Variants in NCKAP5 observed in about 807,000 individuals in gnomAD.
The protein encoded by NCKAP5 is nck-associated protein 5.
Under a neutral mutation model 167.0 loss-of-function variants are expected in NCKAP5, and 92 were observed. That is an observed-to-expected ratio of 0.55 (90% CI 0.47 to 0.66). The LOEUF is 0.66. Among genes scored for constraint, NCKAP5 ranks in the 30% least tolerant of loss-of-function variants. NCKAP5 has a pLI of 0.00. For missense variants in NCKAP5, 2,378 were observed against 2,315.0 expected (o/e 1.03, Z -0.56); for synonymous variants, 891 against 877.4 (o/e 1.02, Z -0.27).
At chr2:133,150,165 C>A (rs1218030564) in intron 5 of NCKAP5, among the ~76,000 whole-genome samples, 1 of 152,178 alleles carries the variant, frequency 6.6e-6, no homozygotes, top group South Asian at 2.1e-4. Flanking sequence ...ATGGACAATT[C>A]CAGAAATAAA....
intron 19 of NCKAP5, among the ~76,000 whole-genome samples, chr2:132,673,629 T>C (rs1684028966): frequency 1.3e-5 from 2 of 152,184 alleles, no homozygotes; most frequent in South Asian, 4.1e-4. Context: ...CTCCTCTCTT[T>C]CCTTGCTAAG....
intron 4 of NCKAP5, among the ~76,000 whole-genome samples, chr2:133,286,752 CA>C (rs1679170780): frequency 6.6e-6 from 1 of 151,912 alleles, no homozygotes; most frequent in Non-Finnish European, 1.5e-5. Context: ...GACTGAAAAA[CA>C]AGTTGTATGA....
At chr2:133,496,634 G>T (rs1255489051) in intron 3 of NCKAP5, among the ~76,000 whole-genome samples, 1 of 152,142 alleles carries the variant, frequency 6.6e-6, no homozygotes, top group South Asian at 2.1e-4. Flanking sequence ...TTAGAAATGC[G>T]AATTCATGGC....
At chr2:133,416,273 C>T (rs1384703360) in intron 3 of NCKAP5, among the ~76,000 whole-genome samples, 1 of 152,144 alleles carries the variant, frequency 6.6e-6, no homozygotes, top group Non-Finnish European at 1.5e-5. Context: ...TCATCCTTTC[C>T]TAGCAAAAAC....
chr2:132,774,011 T>G, intron 15 of NCKAP5, 117 bp from the exon 16 acceptor site: 1 of 778,830 alleles, frequency 1.3e-6, no homozygotes, highest in South Asian at 1.7e-5. Flanking sequence ...TGTGAGTGTT[T>G]GCATGTATAT....
chr2:133,666,748 C>G, the NCKAP5 span, among the ~76,000 whole-genome samples: 1 of 151,882 alleles, frequency 6.6e-6, no homozygotes, highest in East Asian at 1.9e-4. Context: ...ACTCTAACAT[C>G]AATTGGTAAA....
At chr2:133,116,794 A>T (rs2082098919) in intron 6 of NCKAP5, among the ~76,000 whole-genome samples, 1 of 152,190 alleles carries the variant, frequency 6.6e-6, no homozygotes, top group Non-Finnish European at 1.5e-5. Flanking sequence ...TGGCCTTTGC[A>T]AATTGCTTAA....
chr2:133,296,947 C>T (rs566204993), intron 4 of NCKAP5, among the ~76,000 whole-genome samples: 5 of 152,010 alleles, frequency 3.3e-5, no homozygotes, highest in East Asian at 1.9e-4. Context: ...AATATGAGGC[C>T]GCAAATGGAT....
rs77603865 is a variant in NCKAP5 at position 132,953,011 on chromosome 2, T to C, written c.579+10709A>G. Among the ~76,000 whole-genome samples, 1,118 of 152,350 alleles carry C rather than the reference T, an allele frequency of 7.3e-3. 11 individuals carry two copies. Among genetic ancestry groups the C allele is most frequent in the African/African-American group, 0.025 (1,042 of 41,580 alleles). ...TTAGAGGCTTGCTGAGGCAACTGCA[T>C]GAGTTTTAAACATAGATGTTGTTAG... On this transcript the variant is annotated intron_variant, in intron 8 of 19. Coordinates refer to ENST00000409261, the MANE Select transcript of NCKAP5 (RefSeq NM_207363.3).
the NCKAP5 span, among the ~76,000 whole-genome samples, chr2:133,592,545 T>C: frequency 0.026 from 4,032 of 152,304 alleles, 63 homozygotes; most frequent in African/African-American, 0.038. Flanking sequence ...CTTACATCAC[T>C]GGGAACCAGT....
At chr2:132,829,328 G>A (rs921925331) in intron 11 of NCKAP5, among the ~76,000 whole-genome samples, 1 of 152,126 alleles carries the variant, frequency 6.6e-6, no homozygotes. Context: ...CTTATGGAAT[G>A]CTGGGGGAAA....
chr2:132,734,284 C>T (rs994477888), intron 16 of NCKAP5, among the ~76,000 whole-genome samples: 1 of 152,210 alleles, frequency 6.6e-6, no homozygotes, highest in East Asian at 1.9e-4. Context: ...ATTCAGACTT[C>T]TGTGTCTTTT....
chr2:133,569,174 C>CACTTA (rs10654036), upstream of NCKAP5, among the ~76,000 whole-genome samples: 3 of 151,420 alleles, frequency 2.0e-5, no homozygotes, highest in Non-Finnish European at 4.4e-5. Context: ...AAATCCCACT[C>CACTTA]ACAACTATCA....
chr2:133,563,003 T>A (rs1688275877), intron 1 of NCKAP5, among the ~76,000 whole-genome samples: 1 of 152,318 alleles, frequency 6.6e-6, no homozygotes, highest in East Asian at 1.9e-4. Context: ...AAGAAGGCTA[T>A]AAGGTACTTT....
At chr2:133,030,697 G>A (rs1184529150) in intron 6 of NCKAP5, among the ~76,000 whole-genome samples, 1 of 152,182 alleles carries the variant, frequency 6.6e-6, no homozygotes, top group African/African-American at 2.4e-5. Context: ...CAGGCACAAA[G>A]TGAGGCTTGG....
chr2:133,138,317 G>T (rs2082872992), intron 5 of NCKAP5, among the ~76,000 whole-genome samples: 1 of 152,130 alleles, frequency 6.6e-6, no homozygotes, highest in South Asian at 2.1e-4. Context: ...CAAATTTTGG[G>T]ATCCTACCAA....
the NCKAP5 span, among the ~76,000 whole-genome samples, chr2:133,603,279 T>A: frequency 6.8e-6 from 1 of 147,706 alleles, no homozygotes; most frequent in Non-Finnish European, 1.5e-5. Context: ...CAGGCTGAAG[T>A]GCGATGGCGC....
chr2:132,965,728 G>T (rs1465263089), intron 7 of NCKAP5, among the ~76,000 whole-genome samples: 1 of 152,032 alleles, frequency 6.6e-6, no homozygotes, highest in African/African-American at 2.4e-5. Context: ...CAGGCTATAT[G>T]GTACCTAGGT....
chr2:133,028,180 C>T (rs2078760119), intron 6 of NCKAP5, among the ~76,000 whole-genome samples: 1 of 152,042 alleles, frequency 6.6e-6, no homozygotes, highest in South Asian at 2.1e-4. Flanking sequence ...GTATTACTGT[C>T]CTTAACATTT....
Sources: allele counts gnomAD v4.1 joint callset (sites outside exome capture counted in the v4.1 genomes callset), GRCh38; gene constraint gnomAD v4.1.1; transcripts MANE v1.5; gene names NCBI Gene and HGNC (gene_info 2026-07-23, HGNC 2026-07-21).